The following TRPM3 variants were observed in gnomAD, a reference collection of about 807,000 sequenced individuals.
TRPM3 encodes the protein long transient receptor potential channel 3.
Under a neutral mutation model 181.2 loss-of-function variants are expected in TRPM3, and 77 were observed. That is an observed-to-expected ratio of 0.42 (90% confidence interval 0.35 to 0.51). The LOEUF is 0.51. Among genes scored for constraint, TRPM3 ranks in the 20% least tolerant of loss-of-function variants. TRPM3 has a pLI of 0.01. For synonymous variants in TRPM3, 745 were observed against 796.4 expected, an observed-to-expected ratio of 0.94 and a Z score of 1.09; for missense variants, 1,759 against 2,196.7, an observed-to-expected ratio of 0.80 and a Z score of 3.98.
chr9:70,673,652 G>T (rs1264193709), intron 9 of TRPM3, among the ~76,000 whole-genome samples: 1 of 152,088 alleles, frequency 6.6e-6, no homozygotes, highest in African/African-American at 2.4e-5. Flanking sequence ...CCATAGGATG[G>T]GCACAGTGGC....
At chr9:70,929,717 A>G (rs937938140) in intron 1 of TRPM3, among the ~76,000 whole-genome samples, 1 of 152,200 alleles carries the variant, frequency 6.6e-6, no homozygotes, top group African/African-American at 2.4e-5. Context: ...ACTTTCTAGT[A>G]TTGATCTTAA....
At chr9:70,963,493 C>A (rs80289198) in intron 1 of TRPM3, among the ~76,000 whole-genome samples, 11 of 151,904 alleles carry the variant, frequency 7.2e-5, no homozygotes, top group Non-Finnish European at 1.5e-4. Flanking sequence ...ATTGGAGGGG[C>A]CCAAGAGGAG....
chr9:70,660,472 A>G (rs1302516873), intron 9 of TRPM3, among the ~76,000 whole-genome samples: 2 of 152,052 alleles, frequency 1.3e-5, no homozygotes, highest in South Asian at 2.1e-4. Flanking sequence ...TTTTCATCCT[A>G]CATATGTTGA....
chr9:70,682,858 T>C (rs558367054), intron 8 of TRPM3, among the ~76,000 whole-genome samples: 22 of 152,334 alleles, frequency 1.4e-4, no homozygotes, highest in African/African-American at 5.0e-4. Flanking sequence ...ATGGTGCTTA[T>C]GTATTTCCAA....
At chr9:70,917,338 T>C in intron 1 of TRPM3, 1 of 1,168,352 alleles carries the variant, frequency 8.6e-7, no homozygotes, top group Non-Finnish European at 1.3e-6. Context: ...CTCCAGAATA[T>C]GGAGATACTC....
rs145089466 is a variant in TRPM3 at position 71,339,160 on chromosome 9, T to C, written c.183+107493A>G. On this transcript the variant is annotated intron_variant, in intron 1 of 24. Transcript: ENST00000357533. ...AACTTCAAACCCTTTATGAACAAAA[T>C]TATAAAAATATCCTTAAAAGATATA... is the stretch of plus-strand genomic sequence containing the variant. Among the ~76,000 whole-genome samples the C allele has an allele frequency of 9.6e-4, 146 of 152,050 alleles. 1 individual carries two copies. The highest frequency in any genetic ancestry group is 6.0e-3 in the South Asian group (29 of 4,826).
At chr9:71,260,022 T>C (rs1449664002) in intron 1 of TRPM3, among the ~76,000 whole-genome samples, 1 of 152,240 alleles carries the variant, frequency 6.6e-6, no homozygotes. Flanking sequence ...AAGTCTTACA[T>C]TGAAGTCTTT....
chr9:71,014,968 T>C (rs1191288770), intron 1 of TRPM3, among the ~76,000 whole-genome samples: 1 of 152,218 alleles, frequency 6.6e-6, no homozygotes, highest in African/African-American at 2.4e-5. Flanking sequence ...TTTTGTTATT[T>C]AAGAAAGTTT....
At chr9:70,929,583 G>A in intron 1 of TRPM3, among the ~76,000 whole-genome samples, 1 of 152,020 alleles carries the variant, frequency 6.6e-6, no homozygotes, top group Non-Finnish European at 1.5e-5. Context: ...TACATGTTCT[G>A]GATAGTCCTT....
At position 70,789,151 on chromosome 9, in the gene TRPM3, C is replaced by T. The variant is rs547853272; in HGVS notation, c.974-4872G>A. Among the ~76,000 whole-genome samples the T allele has an allele frequency of 5.9e-5, 9 of 152,296 alleles. No homozygotes were observed. The South Asian group carries it at 1.0e-3, about 18-fold the overall frequency. Reference sequence around the variant, plus strand: ...AAAAAACTCTAGCAAGATTCACAATCTTACAAATTAGAATCTGCAGGATAA... The same window carrying T: ...AAAAAACTCTAGCAAGATTCACAATTTTACAAATTAGAATCTGCAGGATAA... On this transcript the variant is annotated intron_variant, in intron 6 of 25. Transcript: ENST00000677713.
At chr9:70,797,505 C>G (rs1412657701) in intron 6 of TRPM3, among the ~76,000 whole-genome samples, 7 of 152,190 alleles carry the variant, frequency 4.6e-5, no homozygotes, top group Non-Finnish European at 8.8e-5. Flanking sequence ...TTGTTCTGCA[C>G]CCAACCTTCG....
intron 1 of TRPM3, among the ~76,000 whole-genome samples, chr9:71,168,403 T>C (rs2076639270): frequency 6.6e-6 from 1 of 151,774 alleles, no homozygotes; most frequent in South Asian, 2.1e-4. Flanking sequence ...CAGTAGTAAG[T>C]ACTGAACGGA....
At chr9:71,428,076 T>TTTG (rs1456309483) in intron 1 of TRPM3, among the ~76,000 whole-genome samples, 2 of 151,948 alleles carry the variant, frequency 1.3e-5, no homozygotes, top group East Asian at 1.9e-4. Flanking sequence ...AGCCTGTTTT[T>TTTG]TTGTTGTTGT....
intron 1 of TRPM3, among the ~76,000 whole-genome samples, chr9:71,367,175 AC>A (rs1458302059): frequency 2.0e-5 from 3 of 152,194 alleles, no homozygotes; most frequent in African/African-American, 7.2e-5. Flanking sequence ...GCAATGCTTT[AC>A]CCCAAGCTAA....
intron 5 of TRPM3, among the ~76,000 whole-genome samples, chr9:70,833,124 C>G (rs1420670579): frequency 6.6e-6 from 1 of 152,180 alleles, no homozygotes; most frequent in Non-Finnish European, 1.5e-5. Context: ...AGTGCTTTTG[C>G]TCTTTTCAAG....
Position 71,121,238 on chromosome 9 carries a change from T to C in TRPM3, c.117A>G (p.Leu39=). The C allele has an allele frequency of 6.2e-7, 1 of 1,614,186 alleles. No homozygotes were observed. The highest frequency in any genetic ancestry group is 8.5e-7 in the Non-Finnish European group (1 of 1,180,016). ...GGCACAGCTTCCGGATGGTCCAGTT[T>C]AGGGGTCGAGGAGCATCAGCCTGAT... ...VMNQADAPRP[L]NWTIRKLCHA... The change falls in exon 1 of 26, where the codon CTA becomes CTG. Residue 39 remains leucine (L), a synonymous_variant. Transcript: ENST00000677713.
chr9:70,551,791 G>A (rs1042859168), intron 24 of TRPM3, among the ~76,000 whole-genome samples: 2 of 152,132 alleles, frequency 1.3e-5, no homozygotes, highest in African/African-American at 4.8e-5. Flanking sequence ...GAGTCGAGAA[G>A]CTTAGGGTTT....
At chr9:71,034,765 T>A (rs978204210) in intron 1 of TRPM3, among the ~76,000 whole-genome samples, 6 of 151,948 alleles carry the variant, frequency 3.9e-5, no homozygotes, top group Non-Finnish European at 8.8e-5. Flanking sequence ...TTTTTTTTTT[T>A]TAGAGAGAGA....
chr9:71,295,777 T>C (rs2086210537), intron 1 of TRPM3, among the ~76,000 whole-genome samples: 1 of 150,106 alleles, frequency 6.7e-6, no homozygotes, highest in Admixed American at 6.7e-5. Context: ...AGTTTGAGGC[T>C]TCAGTAAGCC....
Sources: allele counts gnomAD v4.1 joint callset (sites outside exome capture counted in the v4.1 genomes callset), GRCh38; gene constraint gnomAD v4.1.1; transcripts MANE v1.5; gene names NCBI Gene and HGNC (gene_info 2026-07-23, HGNC 2026-07-21).